TMED10: variants seen among roughly 807,000 people sequenced by gnomAD.
The protein encoded by TMED10 is transmembrane p24 trafficking protein 10.
A neutral mutation model predicts 23.1 loss-of-function variants in TMED10; 7 were observed. The observed-to-expected ratio is 0.30, with a 90% CI of 0.17 to 0.57. TMED10 has a LOEUF of 0.57. Ranked by LOEUF, TMED10 falls within the 20% of genes least tolerant of loss-of-function variation. TMED10 has a pLI of 0.91. For missense variants in TMED10, 162 were observed against 274.8 expected (o/e 0.59, Z 2.90); for synonymous variants, 113 against 106.9 (o/e 1.06, Z -0.35).
chr14:75,164,564 TATATATATA>T (rs1490156693), intron 1 of TMED10, among the ~76,000 whole-genome samples: 1 of 2,778 alleles, frequency 3.6e-4, no homozygotes, highest in African/African-American at 9.3e-4. Flanking sequence ...TATATATATA[TATATATATA>T]TATATTTTTT....
chr14:75,169,898 T>C (rs139229202), intron 1 of TMED10, among the ~76,000 whole-genome samples: 2 of 152,162 alleles, frequency 1.3e-5, no homozygotes, highest in South Asian at 4.1e-4. Context: ...AAATGATGCA[T>C]AGGGAGAATC....
In TMED10 at chr14:75,135,627, A is replaced by G. The variant is rs569720162; in HGVS notation, c.538+133T>C. On this transcript the variant is annotated intron_variant, in intron 4 of 4. Coordinates refer to ENST00000303575, the MANE Select transcript of TMED10 (RefSeq NM_006827.6). ...GGCTCATTTACCTTTAGCAGCAACA[A>G]CAGCGAAGCAAGCAATTTCCCCTCC... 9.5e-6 allele frequency: 12 copies of G among 1,264,090 alleles called. No individual in the cohort carries two copies. In the Admixed American group the frequency reaches 2.0e-4, roughly 21 times the overall value. The allele number at this position is 1,264,090 out of a possible 1,614,324, so 78.3% of individuals were successfully genotyped here.
At chr14:75,165,496 G>T (rs894338275) in intron 1 of TMED10, among the ~76,000 whole-genome samples, 4 of 152,204 alleles carry the variant, frequency 2.6e-5, no homozygotes, top group African/African-American at 9.7e-5. Flanking sequence ...AAAGTGTTGG[G>T]ATTACAGGCG....
chr14:75,157,933 TC>T lies in TMED10; in HGVS notation c.226-5791del, dbSNP rs1378119263. Among the ~76,000 whole-genome samples the T allele has an allele frequency of 3.3e-5, 5 of 150,234 alleles. No homozygotes were observed. The East Asian group carries it at 9.8e-4, about 29-fold the overall frequency. ...CCACCCTGAGTGACAAGAGCAAAACTCCATCTCAAAAAAAAAAAGAAGTAAA... is the reference window on the plus strand; with the variant it reads ...CCACCCTGAGTGACAAGAGCAAAACTCATCTCAAAAAAAAAAAGAAGTAAA... On this transcript the variant is annotated intron_variant, in intron 1 of 4. Coordinates refer to ENST00000303575, the MANE Select transcript of TMED10 (RefSeq NM_006827.6).
intron 1 of TMED10, among the ~76,000 whole-genome samples, chr14:75,161,193 C>T (rs1269303532): frequency 2.0e-5 from 3 of 152,148 alleles, no homozygotes; most frequent in Admixed American, 1.3e-4. Context: ...TTTCTTGGAC[C>T]GTGCTAGGCA....
intron 1 of TMED10, among the ~76,000 whole-genome samples, chr14:75,164,575 ATATTTTTTT>A (rs1896136403): frequency 3.4e-5 from 1 of 29,774 alleles, no homozygotes; most frequent in African/African-American, 4.1e-4. Context: ...ATATATATAT[ATATTTTTTT>A]TTTTTTTTTT....
At chr14:75,173,998 T>C (rs1896268841) in intron 1 of TMED10, among the ~76,000 whole-genome samples, 1 of 152,188 alleles carries the variant, frequency 6.6e-6, no homozygotes, top group South Asian at 2.1e-4. Flanking sequence ...CCCAAAGAGT[T>C]AGGGTTACAG....
chr14:75,149,808 A>G (rs1444943154), intron 2 of TMED10, among the ~76,000 whole-genome samples: 3 of 150,104 alleles, frequency 2.0e-5, no homozygotes, highest in Non-Finnish European at 4.4e-5. Flanking sequence ...GAAAGACAGT[A>G]AAGAACTTCT....
At position 75,133,928 on chromosome 14, in the gene TMED10, T is replaced by C; in HGVS notation, c.*957A>G. On this transcript the variant is annotated 3_prime_UTR_variant, in exon 5 of 5. Coordinates refer to ENST00000303575, the MANE Select transcript of TMED10 (RefSeq NM_006827.6). ...TTTTAAAAGAAAAAAAGGAAGAAAC[T>C]ATTCATACATGCAACAACTTGGATG... The C allele has an allele frequency of 6.8e-6, 2 of 295,742 alleles. No homozygotes were observed. The highest frequency in any genetic ancestry group is 2.8e-5 in the South Asian group (1 of 35,810). The allele number at this position is 295,742 out of a possible 1,614,324, so 18.3% of individuals were successfully genotyped here. A position where few individuals can be genotyped will look rare whatever the true frequency, so the allele number is the denominator to read the frequency against.
intron 1 of TMED10, among the ~76,000 whole-genome samples, chr14:75,175,078 T>C (rs932528879): frequency 1.3e-5 from 2 of 150,816 alleles, no homozygotes; most frequent in African/African-American, 4.9e-5. Context: ...AAAATGTTTC[T>C]ATTTAGTATA....
rs1896304367 is a variant in TMED10 at position 75,176,280 on chromosome 14, C to T, written c.225+75G>A. On this transcript the variant is annotated intron_variant, in intron 1 of 4. Coordinates refer to ENST00000303575, the MANE Select transcript of TMED10 (RefSeq NM_006827.6). The stretch of plus-strand genomic sequence containing the variant: ...AACTCCCAGGCCTCCGCCGGCCCGA[C>T]TCCCCCGAACCCGAGCCTCCCCTCG... The T allele has an allele frequency of 4.4e-6, 7 of 1,573,206 alleles. No homozygotes were observed. The Admixed American group carries it at 5.1e-5, about 11-fold the overall frequency.
intron 1 of TMED10, among the ~76,000 whole-genome samples, chr14:75,163,981 G>GCAGGCATT (rs1566674902): frequency 6.6e-6 from 1 of 152,106 alleles, no homozygotes; most frequent in African/African-American, 2.4e-5. Flanking sequence ...TTGTCACATA[G>GCAGGCATT]CAGGCATTCA....
chr14:75,132,480 A>G lies in TMED10; in HGVS notation c.*2405T>C, dbSNP rs1594861674. 2 of 149,690 alleles carry G rather than the reference A, an allele frequency of 1.3e-5. No individual in the cohort carries two copies. Among genetic ancestry groups the G allele is most frequent in the South Asian group, 2.1e-4 (1 of 4,702 alleles). The allele number at this position is 149,690 out of a possible 1,614,324, so 9.3% of individuals were successfully genotyped here. On this transcript the variant is annotated 3_prime_UTR_variant, in exon 5 of 5. Transcript: ENST00000303575. ...GCATCCTCTGTAACTTAGTATATGT[A>G]ATACTACAGATAGACTTTCTCAACA...
intron 1 of TMED10, among the ~76,000 whole-genome samples, chr14:75,153,429 C>T (rs1303172304): frequency 6.6e-6 from 1 of 152,086 alleles, no homozygotes; most frequent in African/African-American, 2.4e-5. Flanking sequence ...CCTATCAGCA[C>T]AGAATAAAGG....
chr14:75,152,922 A>G (rs980097168), intron 1 of TMED10, among the ~76,000 whole-genome samples: 1 of 152,174 alleles, frequency 6.6e-6, no homozygotes, highest in Non-Finnish European at 1.5e-5. Context: ...GATCAAGACC[A>G]TCCTGGCCAA....
rs913812243 is a variant in TMED10 at position 75,147,793 on chromosome 14, A to T, written c.338-56T>A. On this transcript the variant is annotated intron_variant, in intron 2 of 4. Transcript: ENST00000303575. The stretch of plus-strand genomic sequence containing the variant: ...GAAATACTTAAAATTCTGGGAAATT[A>T]CCCACCCACCCGCCCGCCCTCCCTC... 4.5e-4 allele frequency: 597 copies of T among 1,334,104 alleles called. 3 individuals carry two copies. Among genetic ancestry groups the T allele is most frequent in the Admixed American group, 5.0e-4 (21 of 41,968 alleles). 82.6% of individuals were successfully genotyped at this position (1,334,104 alleles called of 1,614,324 possible).
chr14:75,168,670 G>C (rs529189495), intron 1 of TMED10, among the ~76,000 whole-genome samples: 5 of 152,132 alleles, frequency 3.3e-5, no homozygotes, highest in African/African-American at 9.7e-5. Context: ...CCTTTAAATG[G>C]TGGAGCTGCT....
chr14:75,168,976 A>C (rs1194236649), intron 1 of TMED10, among the ~76,000 whole-genome samples: 1 of 152,194 alleles, frequency 6.6e-6, no homozygotes, highest in East Asian at 1.9e-4. Context: ...TCAAACATTG[A>C]TCCAGGTAAA....
intron 1 of TMED10, among the ~76,000 whole-genome samples, chr14:75,174,852 C>T (rs1036174401): frequency 2.6e-4 from 39 of 151,900 alleles, no homozygotes; most frequent in African/African-American, 9.2e-4. Context: ...ACCATCCTGG[C>T]CAACATGGTG....
Sources: allele counts gnomAD v4.1 joint callset (sites outside exome capture counted in the v4.1 genomes callset), GRCh38; gene constraint gnomAD v4.1.1; transcripts MANE v1.5; gene names NCBI Gene and HGNC (gene_info 2026-07-23, HGNC 2026-07-21).